TOX: variants seen among roughly 807,000 people sequenced by gnomAD.
TOX encodes thymocyte selection-associated high mobility group box protein TOX.
Under a neutral mutation model 53.7 loss-of-function variants are expected in TOX, and 11 were observed. The observed-to-expected ratio is 0.20, with a 90% CI of 0.13 to 0.34. The LOEUF (loss-of-function observed/expected upper bound fraction) is 0.34, where lower values mean the gene tolerates loss of function less well. Ranked by LOEUF, TOX falls within the 10% of genes least tolerant of loss-of-function variation. The pLI is 1.00. For synonymous variants in TOX, 225 were observed against 245.3 expected (o/e 0.92, Z 0.77); for missense variants, 570 against 664.6 (o/e 0.86, Z 1.56).
rs149216686 is a variant in TOX, at chr8:58,967,158, G to C, written c.103-7150C>G. On this transcript the variant is annotated intron_variant, in intron 1 of 8. Transcript: ENST00000361421. ...CAAAGTGCTGGGATTACAGGCGTGA[G>C]CCACCACACCCGGCCAAGTTATTCT... Among the ~76,000 whole-genome samples, 948 of 152,256 alleles carry C rather than the reference G, an allele frequency of 6.2e-3. 47 individuals carry two copies. In the East Asian group the frequency reaches 0.088, roughly 14 times the overall value.
At chr8:59,088,384 T>C (rs1313374866) in intron 1 of TOX, among the ~76,000 whole-genome samples, 2 of 152,238 alleles carry the variant, frequency 1.3e-5, no homozygotes, top group East Asian at 3.8e-4. Flanking sequence ...CCAATGGGAA[T>C]ATAATCAGAC....
rs147434224 is a variant in TOX at position 59,055,724 on chromosome 8, C to T, written c.102+63162G>A. The stretch of plus-strand genomic sequence containing the variant: ...AACATTTTCTTCAAGGTAGAAAACA[C>T]TTTAATTTTAAAGTGGGAAAGGTCT... On this transcript the variant is annotated intron_variant, in intron 1 of 8. Coordinates refer to ENST00000361421, the MANE Select transcript of TOX (RefSeq NM_014729.3). Among the ~76,000 whole-genome samples the T allele has an allele frequency of 1.7e-3, 256 of 152,250 alleles. 2 individuals carry two copies. The highest frequency in any genetic ancestry group is 4.1e-3 in the Admixed American group (62 of 15,290).
intron 1 of TOX, among the ~76,000 whole-genome samples, chr8:59,011,616 C>T (rs1235840901): frequency 6.6e-6 from 1 of 152,064 alleles, no homozygotes; most frequent in African/African-American, 2.4e-5. Context: ...GGTAAGTAAC[C>T]TCTACCACTT....
chr8:58,944,657 T>C (rs1812497679), intron 2 of TOX, among the ~76,000 whole-genome samples: 1 of 152,130 alleles, frequency 6.6e-6, no homozygotes, highest in South Asian at 2.1e-4. Flanking sequence ...AACCACGGGG[T>C]TCTTATAAGC....
At chr8:59,055,198 G>T (rs1430649378) in intron 1 of TOX, among the ~76,000 whole-genome samples, 1 of 152,122 alleles carries the variant, frequency 6.6e-6, no homozygotes, top group African/African-American at 2.4e-5. Context: ...CAAAGGGGGA[G>T]CTGTGCTCCG....
rs1262430248 is a variant in TOX, at chr8:59,118,383, CA to C, written c.102+502del. On this transcript the variant is annotated intron_variant, in intron 1 of 8. Transcript: ENST00000361421. The surrounding 1 kb of genome is among the most constrained non-coding windows in gnomAD (Gnocchi z 4.1). ...GTGGGGCAGTTTTCCCTGTGGGGGG[CA>C]GGGGCGCCTCCCAGGTCCCTGCACC... 1.3e-5 allele frequency among the ~76,000 whole-genome samples: 2 copies of C among 152,104 alleles called. No individual in the cohort carries two copies. Among genetic ancestry groups the C allele is most frequent in the African/African-American group, 4.8e-5 (2 of 41,432 alleles).
intron 3 of TOX, among the ~76,000 whole-genome samples, chr8:58,910,613 A>C (rs1811892641): frequency 6.6e-6 from 1 of 152,232 alleles, no homozygotes; most frequent in African/African-American, 2.4e-5. Flanking sequence ...TCTGGAATAC[A>C]GTTTTGAAAG....
chr8:59,035,072 C>G (rs987738530), intron 1 of TOX, among the ~76,000 whole-genome samples: 10 of 152,130 alleles, frequency 6.6e-5, no homozygotes, highest in Admixed American at 6.5e-4. Flanking sequence ...GGGCAGCACA[C>G]CTGTCTTTCT....
intron 1 of TOX, among the ~76,000 whole-genome samples, chr8:59,114,283 A>T (rs1174762320): frequency 6.6e-6 from 1 of 152,236 alleles, no homozygotes; most frequent in Non-Finnish European, 1.5e-5. Flanking sequence ...AGAATACTAA[A>T]CTACCTATGC....
intron 1 of TOX, among the ~76,000 whole-genome samples, chr8:59,012,007 T>G (rs1476275575): frequency 6.6e-6 from 1 of 152,024 alleles, no homozygotes; most frequent in Non-Finnish European, 1.5e-5. Context: ...ACCTGACCTT[T>G]TTATGTTCAA....
At chr8:59,073,188 A>T (rs1804229966) in intron 1 of TOX, among the ~76,000 whole-genome samples, 1 of 152,152 alleles carries the variant, frequency 6.6e-6, no homozygotes. Flanking sequence ...CTACTAACAC[A>T]CAATACTTAT....
chr8:58,934,027 A>G (rs1403007783), intron 3 of TOX, among the ~76,000 whole-genome samples: 1 of 152,176 alleles, frequency 6.6e-6, no homozygotes. Flanking sequence ...ACACAAATCA[A>G]TTACTCACTA....
intron 6 of TOX, among the ~76,000 whole-genome samples, chr8:58,816,190 C>T (rs990527318): frequency 2.6e-5 from 4 of 152,022 alleles, no homozygotes; most frequent in African/African-American, 9.7e-5. Flanking sequence ...GATATTTGCA[C>T]AAAGAAAACA....
intron 3 of TOX, among the ~76,000 whole-genome samples, chr8:58,881,690 C>T (rs1210588659): frequency 7.1e-6 from 1 of 140,224 alleles, no homozygotes; most frequent in Non-Finnish European, 1.5e-5. Context: ...CACCACTGCA[C>T]TCCAGTTTGG....
At chr8:59,044,253 C>T (rs1431156469) in intron 1 of TOX, among the ~76,000 whole-genome samples, 2 of 130,676 alleles carry the variant, frequency 1.5e-5, no homozygotes, top group African/African-American at 6.4e-5. Flanking sequence ...AAAAGGTGGA[C>T]GACAGCCACC....
chr8:58,826,906 C>T lies in TOX; in HGVS notation c.925-4G>A, dbSNP rs773005899. On this transcript the variant is annotated splice_region_variant and splice_polypyrimidine_tract_variant and intron_variant, in intron 5 of 8. Coordinates refer to ENST00000361421, the MANE Select transcript of TOX (RefSeq NM_014729.3). Reference sequence around the variant, plus strand: ...CCTCGGTTTTCTTTTTATAGACCTGCAACAACAGCAAAGAGTCTTAAATTA... The same window carrying T: ...CCTCGGTTTTCTTTTTATAGACCTGTAACAACAGCAAAGAGTCTTAAATTA... The T allele has an allele frequency of 1.2e-6, 2 of 1,609,160 alleles. No homozygotes were observed. The highest frequency in any genetic ancestry group is 1.7e-6 in the Non-Finnish European group (2 of 1,178,064).
intron 2 of TOX, among the ~76,000 whole-genome samples, 157 bp downstream of exon 2, chr8:58,959,786 A>G (rs1192405707): frequency 3.9e-5 from 6 of 152,236 alleles, no homozygotes; most frequent in Non-Finnish European, 8.8e-5. Flanking sequence ...TATCAGCTCT[A>G]TCTCATTAAC....
At chr8:58,818,023 T>C (rs1585841635) in intron 6 of TOX, among the ~76,000 whole-genome samples, 2 of 152,144 alleles carry the variant, frequency 1.3e-5, no homozygotes, top group East Asian at 3.9e-4. Flanking sequence ...AGAGAGATGA[T>C]AGATAAGCAG....
At chr8:59,077,234 C>T (rs1804308570) in intron 1 of TOX, among the ~76,000 whole-genome samples, 1 of 152,208 alleles carries the variant, frequency 6.6e-6, no homozygotes, top group Non-Finnish European at 1.5e-5. Flanking sequence ...AAGTCCATAA[C>T]CATAGGAGTG....
Sources: allele counts gnomAD v4.1 joint callset (sites outside exome capture counted in the v4.1 genomes callset), GRCh38; gene constraint gnomAD v4.1.1; non-coding constraint Gnocchi (gnomAD v3.1); transcripts MANE v1.5; gene names NCBI Gene and HGNC (gene_info 2026-07-23, HGNC 2026-07-21).